The following ADGRG6 variants were observed in gnomAD, a reference collection of about 807,000 sequenced individuals.
ADGRG6 encodes the protein G-protein coupled receptor 126.
A neutral mutation model predicts 142.4 loss-of-function variants in ADGRG6; 84 were observed. The ratio of observed to expected loss-of-function variants is 0.59; its 90% CI spans 0.49 to 0.71. The LOEUF is 0.71. Ranked by LOEUF, ADGRG6 falls within the 30% of genes least tolerant of loss-of-function variation. The pLI is 0.00. For missense variants in ADGRG6, 1,367 were observed against 1,466.6 expected (o/e 0.93, Z 1.11); for synonymous variants, 521 against 520.5 (o/e 1.00, Z -0.01).
chr6:142,440,357 C>T (rs966387409), intron 24 of ADGRG6, among the ~76,000 whole-genome samples: 2 of 151,942 alleles, frequency 1.3e-5, no homozygotes, highest in African/African-American at 4.8e-5. Flanking sequence ...AGGGCACACT[C>T]ACGGTAGAGG....
intron 2 of ADGRG6, among the ~76,000 whole-genome samples, chr6:142,335,161 A>C (rs924146434): frequency 5.9e-5 from 9 of 152,210 alleles, no homozygotes; most frequent in African/African-American, 2.2e-4. Flanking sequence ...ATTGAGAACC[A>C]AGAGATCAGA....
At chr6:142,353,791 T>C (rs1780303384) in intron 2 of ADGRG6, among the ~76,000 whole-genome samples, 1 of 152,196 alleles carries the variant, frequency 6.6e-6, no homozygotes, top group Non-Finnish European at 1.5e-5. Flanking sequence ...AACTTTGAAT[T>C]GAAAGGCTGT....
At chr6:142,437,600 C>T (rs1777546858) in intron 23 of ADGRG6, 65 bp downstream of exon 23, 1 of 820,614 alleles carries the variant, frequency 1.2e-6, no homozygotes, top group Admixed American at 1.7e-5. Context: ...TTCAGTCTTT[C>T]ATTGTCAGAG....
chr6:142,319,096 T>A (rs1043696009), intron 2 of ADGRG6, among the ~76,000 whole-genome samples: 1 of 152,176 alleles, frequency 6.6e-6, no homozygotes, highest in Non-Finnish European at 1.5e-5. Context: ...GATTTTTCTC[T>A]GTCATACTGT....
Position 142,405,777 on chromosome 6 carries a change from A to G in ADGRG6, c.2217A>G (p.Val739=). The stretch of plus-strand genomic sequence containing the variant: ...AGAATTTAAGTCCAGAAGATTCTGT[A>G]TTAGTTAGAAGAGCACAGTTTACTT... ...LLENLSPEDS[V]LVRRAQFTFF... Residue 739 remains valine (V), a synonymous_variant, in exon 15 of 25, where the codon GTA becomes GTG. Transcript: ENST00000367609. The G allele has an allele frequency of 1.2e-6, 2 of 1,607,840 alleles. No individual in the cohort carries two copies. The highest frequency in any genetic ancestry group is 1.7e-6 in the Non-Finnish European group (2 of 1,175,368).
intron 6 of ADGRG6, among the ~76,000 whole-genome samples, chr6:142,384,204 A>G (rs1781914309): frequency 6.6e-6 from 1 of 152,136 alleles, no homozygotes; most frequent in African/African-American, 2.4e-5. Flanking sequence ...TGCAGGAAAC[A>G]AGTTTTAAAG....
chr6:142,425,915 C>T (rs1776918423), intron 22 of ADGRG6, among the ~76,000 whole-genome samples: 1 of 152,162 alleles, frequency 6.6e-6, no homozygotes, highest in African/African-American at 2.4e-5. Flanking sequence ...CGCATTAGAT[C>T]TTGTGAGATT....
At chr6:142,394,148 G>A (rs1268140988) in intron 9 of ADGRG6, among the ~76,000 whole-genome samples, 190 bp downstream of exon 9, 1 of 152,086 alleles carries the variant, frequency 6.6e-6, no homozygotes, top group Admixed American at 6.6e-5. Flanking sequence ...GGGTAGTAAT[G>A]TATATCCAAT....
intron 2 of ADGRG6, among the ~76,000 whole-genome samples, chr6:142,338,017 G>GTTTTTTTTTTTTTTTTTGTTTGTT (rs1779414506): frequency 5.7e-5 from 2 of 35,388 alleles, no homozygotes; most frequent in African/African-American, 2.5e-4. Context: ...TTGTATCTTT[G>GTTTTTTTTTTTTTTTTTGTTTGTT]TTTTTTTTTT....
At chr6:142,305,771 ATAAGCCAGT>A (rs1343286768) in intron 1 of ADGRG6, among the ~76,000 whole-genome samples, 1 of 152,186 alleles carries the variant, frequency 6.6e-6, no homozygotes, top group Non-Finnish European at 1.5e-5. Context: ...CACCTCTAGT[ATAAGCCAGT>A]TATGCATGTT....
intron 2 of ADGRG6, among the ~76,000 whole-genome samples, chr6:142,331,162 T>C (rs1582992379): frequency 6.6e-6 from 1 of 151,838 alleles, no homozygotes. Context: ...ATCAAACTAG[T>C]GTTTTTCAGT....
intron 4 of ADGRG6, among the ~76,000 whole-genome samples, chr6:142,376,544 C>T (rs148262878): frequency 6.6e-5 from 10 of 152,236 alleles, no homozygotes; most frequent in Non-Finnish European, 5.9e-5. Context: ...TGGATTTTTA[C>T]CGTTTCATAA....
At chr6:142,413,282 A>T (rs1308861382) in intron 18 of ADGRG6, among the ~76,000 whole-genome samples, 1 of 152,052 alleles carries the variant, frequency 6.6e-6, no homozygotes, top group Non-Finnish European at 1.5e-5. Flanking sequence ...CACATTCACC[A>T]GTTCACCATA....
intron 2 of ADGRG6, among the ~76,000 whole-genome samples, chr6:142,312,727 C>T (rs1777830992): frequency 6.6e-6 from 1 of 151,950 alleles, no homozygotes; most frequent in African/African-American, 2.4e-5. Flanking sequence ...AATAAAAAAA[C>T]ATAAATATGT....
intron 6 of ADGRG6, among the ~76,000 whole-genome samples, chr6:142,386,646 A>T (rs1583072431): frequency 6.6e-6 from 1 of 152,270 alleles, no homozygotes; most frequent in East Asian, 1.9e-4. Flanking sequence ...TGTATCACTT[A>T]TTGTCGTGCA....
chr6:142,434,898 C>A (rs185527464), intron 22 of ADGRG6, among the ~76,000 whole-genome samples: 4 of 152,124 alleles, frequency 2.6e-5, no homozygotes, highest in East Asian at 1.9e-4. Flanking sequence ...ATAACATTTG[C>A]TAATAATGTA....
chr6:142,393,359 CT>C (rs914148070), intron 8 of ADGRG6, among the ~76,000 whole-genome samples: 2 of 151,990 alleles, frequency 1.3e-5, no homozygotes, highest in Non-Finnish European at 2.9e-5. Flanking sequence ...TTCAAGACCA[CT>C]TTTTTTTCCA....
intron 2 of ADGRG6, among the ~76,000 whole-genome samples, chr6:142,323,760 G>A (rs1048072732): frequency 4.6e-5 from 7 of 151,984 alleles, no homozygotes; most frequent in Non-Finnish European, 8.8e-5. Flanking sequence ...GTAAGTATTT[G>A]CGTATCTGAA....
At chr6:142,405,863 G>C in intron 15 of ADGRG6, 35 bp downstream of exon 15, 1 of 1,471,952 alleles carries the variant, frequency 6.8e-7, no homozygotes, top group Non-Finnish European at 9.1e-7. Flanking sequence ...TTTTTCAACT[G>C]CAAATGAAGT....
Sources: gnomAD v4.1 joint callset for allele counts (sites outside exome capture counted in the v4.1 genomes callset) on GRCh38, gnomAD v4.1.1 for gene constraint, MANE v1.5 for transcripts, NCBI Gene and HGNC (gene_info 2026-07-23, HGNC 2026-07-21) for gene names.